Variants in CNOT10 observed in about 807,000 individuals in gnomAD.
The protein encoded by CNOT10 is CCR4-NOT transcription complex subunit 10.
In CNOT10, 30 loss-of-function variants were observed where a neutral mutation model predicts 94.6. The observed-to-expected ratio is 0.32, with a 90% CI of 0.24 to 0.43. The LOEUF (loss-of-function observed/expected upper bound fraction) is 0.43, where lower values mean the gene tolerates loss of function less well. Ranked by LOEUF, CNOT10 falls within the 20% of genes least tolerant of loss-of-function variation. The pLI is 1.00. For missense variants in CNOT10, 759 were observed against 877.2 expected (o/e 0.87, Z 1.70); for synonymous variants, 289 against 301.6 (o/e 0.96, Z 0.43).
At chr3:32,711,399 G>A (rs1697885169) in intron 4 of CNOT10, among the ~76,000 whole-genome samples, 1 of 152,080 alleles carries the variant, frequency 6.6e-6, no homozygotes, top group Admixed American at 6.5e-5. Flanking sequence ...ATATTGTTTA[G>A]GGAACAATGA....
chr3:32,729,409 A>T (rs1365422742), intron 10 of CNOT10, among the ~76,000 whole-genome samples: 1 of 152,108 alleles, frequency 6.6e-6, no homozygotes, highest in African/African-American at 2.4e-5. Context: ...TTGCTACCCC[A>T]TGCCCTGCCC....
intron 3 of CNOT10, among the ~76,000 whole-genome samples, chr3:32,707,822 G>A (rs1234267287): frequency 1.3e-5 from 2 of 152,044 alleles, no homozygotes; most frequent in African/African-American, 2.4e-5. Flanking sequence ...ATGACCTTGA[G>A]GTATGGTGAG....
intron 3 of CNOT10, among the ~76,000 whole-genome samples, chr3:32,706,266 C>A (rs1697618195): frequency 6.6e-6 from 1 of 152,184 alleles, no homozygotes; most frequent in African/African-American, 2.4e-5. Flanking sequence ...CACCCTATGA[C>A]CCCATAGACA....
At chr3:32,704,067 CAA>C in intron 2 of CNOT10, 105 bp downstream of exon 2, 1 of 623,526 alleles carries the variant, frequency 1.6e-6, no homozygotes, top group Non-Finnish European at 2.7e-6. Context: ...TGTAATAATT[CAA>C]AAGTTAATTT....
chr3:32,688,871 C>T (rs146413681), intron 1 of CNOT10, among the ~76,000 whole-genome samples: 19 of 152,064 alleles, frequency 1.2e-4, no homozygotes, highest in East Asian at 9.7e-4. Flanking sequence ...GCTTTGATCA[C>T]GCCACTGTCC....
chr3:32,716,255 AATC>A lies in CNOT10; in HGVS notation c.607_609del (p.His203del). 1 of 1,603,510 alleles carries A rather than the reference AATC, an allele frequency of 6.2e-7. No individual in the cohort carries two copies. Among genetic ancestry groups the A allele is most frequent in the Non-Finnish European group, 8.5e-7 (1 of 1,174,282 alleles). ...TAATAACAACAACAAAGATGGATCTAATCATAAAGCTGAAAGTGGAGCTCTAAT... is the reference window on the plus strand; with the variant it reads ...TAATAACAACAACAAAGATGGATCTAATAAAGCTGAAAGTGGAGCTCTAAT... On this transcript the variant is annotated inframe_deletion, in exon 6 of 19. Coordinates refer to ENST00000328834, the MANE Select transcript of CNOT10 (RefSeq NM_015442.3).
rs1027738127 is a variant in CNOT10, at chr3:32,753,917, C to T, written c.1596-5541C>T. 6.1e-6 allele frequency: 7 copies of T among 1,146,574 alleles called. No homozygotes were observed. The East Asian group carries it at 9.5e-5, about 16-fold the overall frequency. 71.0% of individuals were successfully genotyped at this position (1,146,574 alleles called of 1,614,324 possible). ...AAAGTACTAAATAAATTAATTTGCT[C>T]TCACACACACACACACACAAAATAT... is the stretch of plus-strand genomic sequence containing the variant. On this transcript the variant is annotated intron_variant, in intron 13 of 18. Transcript: ENST00000328834.
intron 1 of CNOT10, chr3:32,703,657 G>T: frequency 2.1e-6 from 1 of 480,094 alleles, no homozygotes; most frequent in South Asian, 2.5e-5. Context: ...GGATGGGACA[G>T]AGCGGGACAC....
chr3:32,715,180 G>A (rs1698064295), intron 5 of CNOT10, among the ~76,000 whole-genome samples: 1 of 152,158 alleles, frequency 6.6e-6, no homozygotes, highest in Non-Finnish European at 1.5e-5. Context: ...TTGCTTTCAA[G>A]GATCTCATGT....
intron 4 of CNOT10, 103 bp from the exon 5 acceptor site, chr3:32,713,124 T>G: frequency 1.1e-6 from 1 of 893,980 alleles, no homozygotes; most frequent in Non-Finnish European, 1.7e-6. Context: ...TAAAGACTTA[T>G]GCTTTGCTAT....
Position 32,703,895 on chromosome 3 carries a change from C to T in CNOT10, c.50C>T (p.Thr17Ile). The part of the protein sequence containing the change: ...ADQGAEKHEG[T>I]GQSSGITDQE... ...CAGGGAGCAGAGAAACATGAAGGCA[C>T]AGGTCAGTCCTCTGGGATCACTGAT... Residue 17 changes from threonine (T) to isoleucine (I), a missense_variant, in exon 2 of 19, where the codon ACA (threonine) becomes ATA (isoleucine). By Grantham distance (89) the Thr-to-Ile change is moderately conservative (BLOSUM62 -1). Transcript: ENST00000328834. 1.2e-6 allele frequency: 2 copies of T among 1,613,586 alleles called. No homozygotes were observed. The highest frequency in any genetic ancestry group is 1.7e-6 in the Non-Finnish European group (2 of 1,179,600).
chr3:32,687,044 GT>G (rs372724386), intron 1 of CNOT10, among the ~76,000 whole-genome samples: 3 of 152,058 alleles, frequency 2.0e-5, no homozygotes, highest in African/African-American at 7.2e-5. Context: ...TTAGGGGACT[GT>G]TTTTTTCATT....
At chr3:32,739,752 C>G (rs1699372274) in intron 13 of CNOT10, among the ~76,000 whole-genome samples, 1 of 152,064 alleles carries the variant, frequency 6.6e-6, no homozygotes, top group Non-Finnish European at 1.5e-5. Context: ...TGGTGAAACC[C>G]CATCTCTCCT....
In CNOT10 at chr3:32,727,719, A is replaced by G. The variant is rs1340306220; in HGVS notation, c.1064A>G (p.Tyr355Cys). The G allele has an allele frequency of 1.2e-6, 2 of 1,614,048 alleles. No individual in the cohort carries two copies. The highest frequency in any genetic ancestry group is 1.7e-6 in the Non-Finnish European group (2 of 1,180,008). ...PMCTLLTNKR[Y>C]ELLYNCGIQL... is the part of the protein sequence containing the mutation. Reference sequence around the variant, plus strand: ...TGTACGTTACTAACCAATAAGAGATATGAGTTGCTGTATAACTGTGGAATT... The same window carrying G: ...TGTACGTTACTAACCAATAAGAGATGTGAGTTGCTGTATAACTGTGGAATT... Residue 355 changes from tyrosine (Y) to cysteine (C), a missense_variant, in exon 10 of 19, where the codon TAT becomes TGT. Around this residue, in one of 3 missense-constraint regions of CNOT10, gnomAD observed 682 missense variants for 799.4 expected, o/e 0.85. Transcript: ENST00000328834.
At chr3:32,744,232 G>C (rs1299455804) in intron 13 of CNOT10, among the ~76,000 whole-genome samples, 1 of 152,128 alleles carries the variant, frequency 6.6e-6, no homozygotes, top group Non-Finnish European at 1.5e-5. Context: ...AATTCTTTGA[G>C]ATTTCATCTA....
chr3:32,720,891 TTTCC>T (rs745348303), intron 8 of CNOT10, among the ~76,000 whole-genome samples: 8,354 of 107,202 alleles, frequency 0.078, 439 homozygotes, highest in Middle Eastern at 0.15. Flanking sequence ...TTTTCCTTCT[TTTCC>T]TTCCTTCCTT....
intron 5 of CNOT10, among the ~76,000 whole-genome samples, chr3:32,714,096 T>C (rs1349150733): frequency 1.3e-5 from 2 of 152,160 alleles, no homozygotes; most frequent in Non-Finnish European, 2.9e-5. Context: ...CAAGACTGTT[T>C]TACAAAGTGG....
intron 13 of CNOT10, among the ~76,000 whole-genome samples, chr3:32,738,009 C>T (rs1342904750): frequency 6.6e-6 from 1 of 152,062 alleles, no homozygotes; most frequent in Non-Finnish European, 1.5e-5. Context: ...GAAGATTGGT[C>T]CATACTTTTC....
intron 13 of CNOT10, among the ~76,000 whole-genome samples, chr3:32,739,957 G>A (rs559938156): frequency 3.9e-5 from 6 of 152,202 alleles, no homozygotes; most frequent in African/African-American, 1.2e-4. Context: ...TTATCTGGGC[G>A]TGATGTTGCA....
Sources: gnomAD v4.1 joint callset for allele counts (sites outside exome capture counted in the v4.1 genomes callset) on GRCh38, gnomAD v4.1.1 for gene constraint, gnomAD v4.1.1 regional missense constraint, MANE v1.5 for transcripts, NCBI Gene and HGNC (gene_info 2026-07-23, HGNC 2026-07-21) for gene names.